PRORP: variants seen among roughly 807,000 people sequenced by gnomAD.
PRORP encodes protein only RNase P catalytic subunit, also known as mitochondrial ribonuclease P catalytic subunit.
A neutral mutation model predicts 59.4 loss-of-function variants in PRORP; 51 were observed. The ratio of observed to expected loss-of-function variants is 0.86; its 90% CI spans 0.69 to 1.08. PRORP has a LOEUF of 1.08. PRORP is among the 50% of genes least tolerant of loss of function. PRORP has a pLI of 0.00. For missense variants in PRORP, 646 were observed against 690.3 expected (o/e 0.94, Z 0.72); for synonymous variants, 231 against 245.6 (o/e 0.94, Z 0.55).
intron 5 of PRORP, among the ~76,000 whole-genome samples, chr14:35,253,343 A>AAG (rs199840591): frequency 1.9e-4 from 27 of 143,190 alleles, no homozygotes; most frequent in Admixed American, 3.5e-4. Context: ...AAAAAAAAAA[A>AAG]AGAGAGAGAG....
intron 5 of PRORP, among the ~76,000 whole-genome samples, chr14:35,209,153 G>A (rs751704773): frequency 2.6e-5 from 4 of 151,190 alleles, no homozygotes; most frequent in Non-Finnish European, 2.9e-5. Flanking sequence ...CAGCCTCGGC[G>A]ACAGAGTGAG....
At chr14:35,174,188 T>A (rs1205072979) in intron 4 of PRORP, among the ~76,000 whole-genome samples, 3 of 147,310 alleles carry the variant, frequency 2.0e-5, no homozygotes, top group African/African-American at 7.5e-5. Flanking sequence ...GAGTGTCAAC[T>A]AATTTTCAGA....
chr14:35,141,440 A>T (rs2047478677), intron 4 of PRORP, among the ~76,000 whole-genome samples: 1 of 141,884 alleles, frequency 7.0e-6, no homozygotes, highest in Non-Finnish European at 1.6e-5. Flanking sequence ...TTTTATTTTA[A>T]TTTTTTCTGT....
At chr14:35,122,931 C>T (rs1218558821) in intron 1 of PRORP, 21 bp from the exon 2 acceptor site, 1 of 267,266 alleles carries the variant, frequency 3.7e-6, no homozygotes, top group South Asian at 6.1e-5. Flanking sequence ...CTGGGCGTTC[C>T]GTCTTGTGCT....
chr14:35,214,727 C>T (rs963588666), intron 5 of PRORP, among the ~76,000 whole-genome samples: 2 of 152,018 alleles, frequency 1.3e-5, no homozygotes, highest in Non-Finnish European at 1.5e-5. Context: ...GCCAACATGG[C>T]GAAACTGCAT....
chr14:35,153,260 C>T (rs376816699), intron 4 of PRORP, among the ~76,000 whole-genome samples: 2 of 152,286 alleles, frequency 1.3e-5, no homozygotes, highest in Non-Finnish European at 2.9e-5. Context: ...CGTGGCGGTG[C>T]GCGCCTGCAA....
At chr14:35,149,347 T>C (rs2047687727) in intron 4 of PRORP, among the ~76,000 whole-genome samples, 1 of 151,976 alleles carries the variant, frequency 6.6e-6, no homozygotes, top group African/African-American at 2.4e-5. Context: ...CCCAAGTAGC[T>C]AGGACTACAG....
chr14:35,205,849 T>C (rs560435929), intron 5 of PRORP, among the ~76,000 whole-genome samples: 1 of 151,984 alleles, frequency 6.6e-6, no homozygotes, highest in African/African-American at 2.4e-5. Context: ...AACTTGGGGG[T>C]TCCTCTCCAG....
intron 2 of PRORP, 85 bp from the exon 3 acceptor site, chr14:35,126,650 A>T: frequency 9.6e-7 from 1 of 1,046,768 alleles, no homozygotes; most frequent in South Asian, 1.5e-5. Context: ...CTTCTTGCTT[A>T]TAAGAGTTTC....
intron 5 of PRORP, among the ~76,000 whole-genome samples, chr14:35,217,019 AAG>A (rs1475524775): frequency 1.3e-5 from 2 of 152,176 alleles, no homozygotes; most frequent in African/African-American, 4.8e-5. Flanking sequence ...ATTGAATTGT[AAG>A]AGTTCTTTAT....
intron 4 of PRORP, among the ~76,000 whole-genome samples, chr14:35,164,429 T>C (rs1284686072): frequency 6.6e-6 from 1 of 152,212 alleles, no homozygotes; most frequent in East Asian, 1.9e-4. Context: ...AATGTGGTAC[T>C]ATACACCATG....
At chr14:35,188,128 G>A (rs938763560) in intron 5 of PRORP, among the ~76,000 whole-genome samples, 5 of 150,462 alleles carry the variant, frequency 3.3e-5, no homozygotes, top group African/African-American at 1.2e-4. Flanking sequence ...TACCGTGCCT[G>A]GCCAGAAATG....
At chr14:35,234,953 G>A (rs890919805) in intron 5 of PRORP, among the ~76,000 whole-genome samples, 25 of 151,862 alleles carry the variant, frequency 1.6e-4, no homozygotes, top group African/African-American at 5.8e-4. Flanking sequence ...CAAAGTGCTG[G>A]GATTACAGGC....
At chr14:35,250,284 C>T (rs2050584320) in intron 5 of PRORP, among the ~76,000 whole-genome samples, 1 of 151,974 alleles carries the variant, frequency 6.6e-6, no homozygotes, top group African/African-American at 2.4e-5. Flanking sequence ...TGCATGGTGC[C>T]TTGCTCCTCA....
intron 5 of PRORP, among the ~76,000 whole-genome samples, chr14:35,217,500 CAA>C (rs1226022740): frequency 1.8e-4 from 13 of 73,802 alleles, no homozygotes; most frequent in African/African-American, 2.8e-4. Context: ...GACTCTGTCT[CAA>C]AAAAAAAAAA....
intron 5 of PRORP, among the ~76,000 whole-genome samples, chr14:35,244,045 C>T (rs954190126): frequency 1.3e-5 from 2 of 152,166 alleles, no homozygotes; most frequent in Non-Finnish European, 2.9e-5. Context: ...ATAGTGAATA[C>T]ACTTGTCTCA....
intron 4 of PRORP, among the ~76,000 whole-genome samples, chr14:35,168,529 T>C (rs1566471799): frequency 6.6e-6 from 1 of 152,134 alleles, no homozygotes; most frequent in Non-Finnish European, 1.5e-5. Context: ...TGACCACACA[T>C]TGGGTTTAGT....
intron 5 of PRORP, among the ~76,000 whole-genome samples, chr14:35,257,919 G>A (rs1437200614): frequency 6.6e-6 from 1 of 152,006 alleles, no homozygotes; most frequent in African/African-American, 2.4e-5. Context: ...TTACCTCCCA[G>A]GCAGCTTTTC....
chr14:35,262,836 C>A, intron 5 of PRORP: 1 of 1,476,972 alleles, frequency 6.8e-7, no homozygotes. Context: ...CCTCAGGGTT[C>A]GGATGAGAAC....
Sources: allele counts gnomAD v4.1 joint callset (sites outside exome capture counted in the v4.1 genomes callset), GRCh38; gene constraint gnomAD v4.1.1; transcripts MANE v1.5; gene names NCBI Gene and HGNC (gene_info 2026-07-23, HGNC 2026-07-21).